MYO3B: variants seen among roughly 807,000 people sequenced by gnomAD.
MYO3B encodes myosin IIIB.
A neutral mutation model predicts 174.6 loss-of-function variants in MYO3B; 156 were observed. The ratio of observed to expected loss-of-function variants is 0.89; its 90% CI spans 0.78 to 1.02. MYO3B has a LOEUF of 1.02. MYO3B is among the 50% of genes least tolerant of loss of function. MYO3B has a pLI of 0.00. For missense variants in MYO3B, 1,632 were observed against 1,639.4 expected (o/e 1.00, Z 0.08); for synonymous variants, 563 against 569.1 (o/e 0.99, Z 0.15).
At chr2:170,370,196 C>T (rs1181728093) in intron 9 of MYO3B, among the ~76,000 whole-genome samples, 2 of 152,122 alleles carry the variant, frequency 1.3e-5, no homozygotes, top group African/African-American at 4.8e-5. Context: ...AGATAAGCTC[C>T]AGTCCATTAT....
chr2:170,499,919 T>TCCCCTCCCTCCCTCCCTTCCTTCC, intron 27 of MYO3B, 111 bp downstream of exon 27: 2 of 749,800 alleles, frequency 2.7e-6, no homozygotes, highest in Non-Finnish European at 4.1e-6. Context: ...CCCTTCCTTC[T>TCCCCTCCCTCCCTCCCTTCCTTCC]CCCCTCCCTC....
At chr2:170,357,365 A>G (rs2094130265) in intron 8 of MYO3B, among the ~76,000 whole-genome samples, 2 of 144,498 alleles carry the variant, frequency 1.4e-5, no homozygotes, top group Non-Finnish European at 3.0e-5. Context: ...TATATATTAT[A>G]TATTTATATG....
At chr2:170,389,262 C>T (rs2094396480) in intron 14 of MYO3B, among the ~76,000 whole-genome samples, 2 of 152,172 alleles carry the variant, frequency 1.3e-5, no homozygotes, top group South Asian at 4.1e-4. Flanking sequence ...CCCTTCTGGG[C>T]ACACTGTAGG....
intron 32 of MYO3B, among the ~76,000 whole-genome samples, chr2:170,624,473 G>A (rs994328137): frequency 1.1e-4 from 17 of 152,256 alleles, no homozygotes; most frequent in South Asian, 4.1e-4. Context: ...GGGCTGAGAC[G>A]ATGGGACTTT....
At position 170,398,041 on chromosome 2, in the gene MYO3B, G is replaced by A. The variant is rs544733060; in HGVS notation, c.1792-2147G>A. ...GTTCAAGACCAGCCTGACCAACATGGTGAAATGCCATCTCTACTAAAAATA... is the reference window on the plus strand; with the variant it reads ...GTTCAAGACCAGCCTGACCAACATGATGAAATGCCATCTCTACTAAAAATA... On this transcript the variant is annotated intron_variant, in intron 16 of 34. Transcript: ENST00000408978. Among the ~76,000 whole-genome samples the A allele has an allele frequency of 5.3e-5, 8 of 152,030 alleles. No homozygotes were observed. In the South Asian group the frequency reaches 1.5e-3, roughly 28 times the overall value.
At chr2:170,205,423 T>C (rs1382341077) in intron 3 of MYO3B, among the ~76,000 whole-genome samples, 1 of 152,188 alleles carries the variant, frequency 6.6e-6, no homozygotes, top group Non-Finnish European at 1.5e-5. Flanking sequence ...AGTAGAATTT[T>C]AATAGCATGC....
intron 32 of MYO3B, among the ~76,000 whole-genome samples, chr2:170,625,350 G>A (rs1474369099): frequency 2.0e-5 from 3 of 152,180 alleles, no homozygotes; most frequent in African/African-American, 7.2e-5. Context: ...TAGTTTATTT[G>A]CATAGAGGTG....
chr2:170,387,034 G>A, intron 13 of MYO3B, 72 bp from the exon 14 acceptor site: 1 of 1,489,530 alleles, frequency 6.7e-7, no homozygotes, highest in East Asian at 2.3e-5. Context: ...GGTGGGCAAG[G>A]GATGGTGCCT....
chr2:170,368,069 G>A (rs1254998076), intron 8 of MYO3B, among the ~76,000 whole-genome samples: 4 of 152,204 alleles, frequency 2.6e-5, no homozygotes, highest in Non-Finnish European at 5.9e-5. Context: ...GAAAACTGCA[G>A]AAACCAAAGC....
chr2:170,247,563 C>A (rs747628164), intron 7 of MYO3B, among the ~76,000 whole-genome samples: 4 of 152,180 alleles, frequency 2.6e-5, no homozygotes, highest in Admixed American at 6.5e-5. Context: ...GCTGCTATAA[C>A]AAAATACCTG....
intron 23 of MYO3B, among the ~76,000 whole-genome samples, chr2:170,451,182 C>T (rs993525108): frequency 6.6e-6 from 1 of 152,208 alleles, no homozygotes; most frequent in Non-Finnish European, 1.5e-5. Context: ...ACTCTTTTTC[C>T]AGTGGACTCA....
At position 170,297,718 on chromosome 2, in the gene MYO3B, G is replaced by A. The variant is rs1454501299; in HGVS notation, c.750-37667G>A. 2.0e-5 allele frequency among the ~76,000 whole-genome samples: 3 copies of A among 152,142 alleles called. No individual in the cohort carries two copies. In the East Asian group the frequency reaches 5.8e-4, roughly 29 times the overall value. On this transcript the variant is annotated intron_variant, in intron 7 of 34. Transcript: ENST00000408978. ...TAGAAATAGTTTCCAGAAATATATAGAGTAATAAGGAATTAGAGAGCACAT... is the reference window on the plus strand; with the variant it reads ...TAGAAATAGTTTCCAGAAATATATAAAGTAATAAGGAATTAGAGAGCACAT...
At chr2:170,441,138 G>A (rs778702872) in intron 22 of MYO3B, among the ~76,000 whole-genome samples, 6 of 152,122 alleles carry the variant, frequency 3.9e-5, no homozygotes, top group Non-Finnish European at 8.8e-5. Flanking sequence ...GCTAAAGTTA[G>A]TTCTAACATT....
chr2:170,652,886 C>A, intron 34 of MYO3B, 97 bp from the exon 35 acceptor site: 4 of 1,396,724 alleles, frequency 2.9e-6, no homozygotes, highest in Admixed American at 1.8e-5. Context: ...GGAGCCCAAC[C>A]CTGTTCCAGC....
chr2:170,489,637 GTGT>G (rs1559050359), intron 25 of MYO3B, among the ~76,000 whole-genome samples: 2 of 135,008 alleles, frequency 1.5e-5, no homozygotes, highest in African/African-American at 2.8e-5. Flanking sequence ...CAGTAGGGGT[GTGT>G]GTGTGTGTGT....
rs114111555 is a variant in MYO3B at position 170,197,154 on chromosome 2, T to C, written c.3-2054T>C. ...GTGATTTTATCTCTGACCCAACCAA[T>C]CAGCAGCAAGTGCCCAGTGCCTCGC... On this transcript the variant is annotated intron_variant, in intron 1 of 34. Transcript: ENST00000408978. Among the ~76,000 whole-genome samples the C allele has an allele frequency of 7.8e-3, 1,187 of 151,984 alleles. 13 individuals are homozygous for C. The highest frequency in any genetic ancestry group is 9.1e-3 in the Non-Finnish European group (619 of 67,968).
intron 32 of MYO3B, among the ~76,000 whole-genome samples, chr2:170,556,509 A>C (rs1417189043): frequency 6.6e-6 from 1 of 150,740 alleles, no homozygotes; most frequent in Non-Finnish European, 1.5e-5. Context: ...TGGGGTCGTC[A>C]GTATCTTGGA....
At chr2:170,643,888 T>G (rs932769730) in intron 32 of MYO3B, 1 of 152,230 alleles carries the variant, frequency 6.6e-6, no homozygotes, top group Admixed American at 6.5e-5. Flanking sequence ...TGCCCTTCCT[T>G]GCAGTTGTCC....
intron 7 of MYO3B, among the ~76,000 whole-genome samples, chr2:170,325,317 C>G (rs1165752886): frequency 6.6e-6 from 1 of 151,996 alleles, no homozygotes; most frequent in South Asian, 2.1e-4. Flanking sequence ...AAGCAATTCT[C>G]CTGCTTCAGC....
Sources: gnomAD v4.1 joint callset for allele counts (sites outside exome capture counted in the v4.1 genomes callset) on GRCh38, gnomAD v4.1.1 for gene constraint, MANE v1.5 for transcripts, NCBI Gene and HGNC (gene_info 2026-07-23, HGNC 2026-07-21) for gene names.